Variants in PLAG1 observed in about 807,000 individuals in gnomAD.
PLAG1 encodes zinc finger protein PLAG1.
A neutral mutation model predicts 35.5 loss-of-function variants in PLAG1; 7 were observed. That is an observed-to-expected ratio of 0.20 (90% CI 0.11 to 0.37). The LOEUF is 0.37. PLAG1 is among the 10% of genes least tolerant of loss of function. The pLI is 1.00. For missense variants in PLAG1, 454 were observed against 602.8 expected (o/e 0.75, Z 2.58); for synonymous variants, 229 against 225.4 (o/e 1.02, Z -0.14).
At position 56,164,795 on chromosome 8, in the gene PLAG1, A is replaced by G. The variant is rs1811306708; in HGVS notation, c.*1448T>C. 4.7e-6 allele frequency: 1 copy of G among 211,598 alleles called. No individual in the cohort carries two copies. The highest frequency in any genetic ancestry group is 2.3e-5 in the African/African-American group (1 of 44,122). 13.1% of individuals were successfully genotyped at this position (211,598 alleles called of 1,614,324 possible). A position where few individuals can be genotyped will look rare whatever the true frequency, so the allele number is the denominator to read the frequency against. ...ATTCAGTGAATATAATATATTCTCA[A>G]TTGTTATTTTCATGTTAACCAAGAT... On this transcript the variant is annotated 3_prime_UTR_variant, in exon 5 of 5. Coordinates refer to ENST00000316981, the MANE Select transcript of PLAG1 (RefSeq NM_002655.3).
At position 56,167,000 on chromosome 8, in the gene PLAG1, T is replaced by C; in HGVS notation, c.746A>G (p.Asp249Gly). The change falls in exon 5 of 5, where the codon GAT becomes GGT. Residue 249 changes from aspartate to glycine, a missense_variant. Transcript: ENST00000316981. The stretch of plus-strand genomic sequence containing the variant: ...ATTGCAGGTAAATGGGTCAAGGAAA[T>C]CCACTGGTTCTGTTTTGACCTTCAG... ...ELLKVKTEPV[D>G]FLDPFTCNVS... 1 of 1,614,148 alleles carries C rather than the reference T, an allele frequency of 6.2e-7. No homozygotes were observed. The highest frequency in any genetic ancestry group is 8.5e-7 in the Non-Finnish European group (1 of 1,179,998).
rs555022319 is a variant in PLAG1 at position 56,167,253 on chromosome 8, G to A, written c.493C>T (p.Leu165Phe). The A allele has an allele frequency of 2.5e-6, 4 of 1,614,068 alleles. No homozygotes were observed. The highest frequency in any genetic ancestry group is 1.3e-5 in the African/African-American group (1 of 75,050). Residue 165 changes from leucine to phenylalanine, a missense_variant, in exon 5 of 5, where the codon CTT becomes TTT. Coordinates refer to ENST00000316981, the MANE Select transcript of PLAG1 (RefSeq NM_002655.3). The surrounding 1 kb of genome is among the most constrained non-coding windows in gnomAD (Gnocchi z 5.9). ...CLQTFESTGV[L>F]LEHLKSHAGK... is the part of the protein sequence containing the mutation. ...GCATGAGATTTAAGGTGCTCCAGAA[G>A]CACTCCCGTGCTTTCAAAAGTTTGC...
intron 3 of PLAG1, among the ~76,000 whole-genome samples, chr8:56,170,320 T>C (rs1811490424): frequency 6.6e-6 from 1 of 152,218 alleles, no homozygotes; most frequent in Admixed American, 6.5e-5. Flanking sequence ...TTGTTTTAGA[T>C]TTTCTGGATC....
At position 56,169,129 on chromosome 8, in the gene PLAG1, T is replaced by C. The variant is rs575137082; in HGVS notation, c.-117-743A>G. On this transcript the variant is annotated intron_variant, in intron 3 of 4. Coordinates refer to ENST00000316981, the MANE Select transcript of PLAG1 (RefSeq NM_002655.3). ...GACATGGTTAATGTAATTTTCCTCATCGTTTTTCACATCACAAAAATTTTA... is the reference window on the plus strand; with the variant it reads ...GACATGGTTAATGTAATTTTCCTCACCGTTTTTCACATCACAAAAATTTTA... 3.3e-5 allele frequency among the ~76,000 whole-genome samples: 5 copies of C among 152,336 alleles called. No individual in the cohort carries two copies. The South Asian group carries it at 6.2e-4, about 19-fold the overall frequency.
intron 1 of PLAG1, among the ~76,000 whole-genome samples, chr8:56,196,955 T>C (rs999205193): frequency 3.7e-5 from 4 of 109,238 alleles, no homozygotes; most frequent in African/African-American, 5.6e-5. Flanking sequence ...AGTGTGCGTG[T>C]GTGTGTGTGT....
chr8:56,167,525 A>G lies in PLAG1; in HGVS notation c.243-22T>C, dbSNP rs369835388. On this transcript the variant is annotated intron_variant, in intron 4 of 4. Coordinates refer to ENST00000316981, the MANE Select transcript of PLAG1 (RefSeq NM_002655.3). This position sits in a 1 kb window ranked among gnomAD's most constrained non-coding sequence, Gnocchi z 5.9. ...GTGCCTTTAAACACAGATATAATCT[A>G]TAAGTAGTTATTATGACAAAAATGG... The G allele has an allele frequency of 1.0e-5, 15 of 1,498,042 alleles. No homozygotes were observed. The highest frequency in any genetic ancestry group is 3.5e-4 in the Middle Eastern group (2 of 5,784). The allele number at this position is 1,498,042 out of a possible 1,614,324, so 92.8% of individuals were successfully genotyped here. A position where few individuals can be genotyped will look rare whatever the true frequency, so the allele number is the denominator to read the frequency against.
At chr8:56,170,684 A>G (rs1585780309) in intron 3 of PLAG1, among the ~76,000 whole-genome samples, 2 of 152,238 alleles carry the variant, frequency 1.3e-5, no homozygotes, top group African/African-American at 4.8e-5. Context: ...TAATGGGCAA[A>G]GAATTCCAGT....
At chr8:56,199,116 C>G (rs1215780546) in intron 1 of PLAG1, among the ~76,000 whole-genome samples, 4 of 152,134 alleles carry the variant, frequency 2.6e-5, no homozygotes, top group East Asian at 1.9e-4. Flanking sequence ...AAAGTGTACA[C>G]TGAGAAGTGG....
Position 56,175,353 on chromosome 8 carries a change from C to T in PLAG1, c.-217+4056G>A, listed in dbSNP as rs933381863. On this transcript the variant is annotated intron_variant, in intron 2 of 4. Transcript: ENST00000316981. ...TTGGTATGGGGCAGGAAGGACGAGA[C>T]TCTCAGTTGGGGCTGCTGGTCCCTA... Among the ~76,000 whole-genome samples, 6 of 152,180 alleles carry T rather than the reference C, an allele frequency of 3.9e-5. No homozygotes were observed. In the East Asian group the frequency reaches 9.6e-4, roughly 24 times the overall value.
At chr8:56,172,711 G>A (rs1009066716) in intron 2 of PLAG1, among the ~76,000 whole-genome samples, 3 of 152,150 alleles carry the variant, frequency 2.0e-5, no homozygotes, top group African/African-American at 7.2e-5. Context: ...AGGGATGAAT[G>A]CCCTAAAACT....
At chr8:56,199,479 G>A (rs1482603603) in intron 1 of PLAG1, among the ~76,000 whole-genome samples, 1 of 152,182 alleles carries the variant, frequency 6.6e-6, no homozygotes. Flanking sequence ...GAGGGGAAAG[G>A]TACTTAGGGA....
intron 1 of PLAG1, among the ~76,000 whole-genome samples, chr8:56,183,712 A>G (rs1480388703): frequency 6.6e-6 from 1 of 152,194 alleles, no homozygotes; most frequent in Non-Finnish European, 1.5e-5. Flanking sequence ...CTTTATAATC[A>G]GAAAAAATTA....
chr8:56,202,843 T>A (rs931148186), intron 1 of PLAG1, among the ~76,000 whole-genome samples: 1 of 152,178 alleles, frequency 6.6e-6, no homozygotes, highest in Non-Finnish European at 1.5e-5. Flanking sequence ...AGTTTTAAAA[T>A]AACTGTCTGT....
At chr8:56,181,280 T>A (rs919994909) in intron 1 of PLAG1, among the ~76,000 whole-genome samples, 2 of 152,168 alleles carry the variant, frequency 1.3e-5, no homozygotes, top group African/African-American at 4.8e-5. Context: ...ATGTTTATTG[T>A]GGCACTGTTC....
Position 56,199,622 on chromosome 8 carries a change from G to A in PLAG1, c.-322+11499C>T, listed in dbSNP as rs531770601. Among the ~76,000 whole-genome samples the A allele has an allele frequency of 4.2e-4, 64 of 152,272 alleles. 1 individual carries two copies. The South Asian group carries it at 0.013, about 30-fold the overall frequency. On this transcript the variant is annotated intron_variant, in intron 1 of 4. Coordinates refer to ENST00000316981, the MANE Select transcript of PLAG1 (RefSeq NM_002655.3). ...TGAGTGACAATACAAGGACCTACGA[G>A]GGGCTGGAGTAACCGGCTGGCTCCA...
chr8:56,181,054 TAGTC>T (rs1468353809), intron 1 of PLAG1, among the ~76,000 whole-genome samples: 3 of 152,096 alleles, frequency 2.0e-5, no homozygotes, highest in East Asian at 1.9e-4. Context: ...AATCATTAAA[TAGTC>T]AGGAAACAAC....
chr8:56,168,327 T>C lies in PLAG1; in HGVS notation c.-58A>G. 1.3e-6 allele frequency: 2 copies of C among 1,504,528 alleles called. No homozygotes were observed. Among genetic ancestry groups the C allele is most frequent in the South Asian group, 1.4e-5 (1 of 69,536 alleles). 93.2% of individuals were successfully genotyped at this position (1,504,528 alleles called of 1,614,324 possible). A position where few individuals can be genotyped will look rare whatever the true frequency, so the allele number is the denominator to read the frequency against. ...TTGGGAACTGCCCAACTCCACTAAATGATATAGCTTTAGGTGGCTTCTCAA... is the reference window on the plus strand; with the variant it reads ...TTGGGAACTGCCCAACTCCACTAAACGATATAGCTTTAGGTGGCTTCTCAA... On this transcript the variant is annotated 5_prime_UTR_variant, in exon 4 of 5. Coordinates refer to ENST00000316981, the MANE Select transcript of PLAG1 (RefSeq NM_002655.3).
chr8:56,199,728 A>C (rs983555374), intron 1 of PLAG1, among the ~76,000 whole-genome samples: 21 of 148,642 alleles, frequency 1.4e-4, no homozygotes, highest in Middle Eastern at 3.2e-3. Flanking sequence ...CGTCTCCACC[A>C]CCCCCCCCGA....
At chr8:56,190,280 G>A (rs1294178400) in intron 1 of PLAG1, among the ~76,000 whole-genome samples, 3 of 152,138 alleles carry the variant, frequency 2.0e-5, no homozygotes, top group South Asian at 2.1e-4. Flanking sequence ...AAAGGGGCAC[G>A]GAGAGGGGAA....
Sources: allele counts gnomAD v4.1 joint callset (sites outside exome capture counted in the v4.1 genomes callset), GRCh38; gene constraint gnomAD v4.1.1; non-coding constraint Gnocchi (gnomAD v3.1); transcripts MANE v1.5; gene names NCBI Gene and HGNC (gene_info 2026-07-23, HGNC 2026-07-21).